Variants in RBPJ observed in about 807,000 individuals in gnomAD.
RBPJ encodes the protein recombining binding protein suppressor of hairless.
Under a neutral mutation model 67.8 loss-of-function variants are expected in RBPJ, and 9 were observed. The observed-to-expected ratio is 0.13, with a 90% CI of 0.08 to 0.23. The LOEUF is 0.23. Ranked by LOEUF, RBPJ falls within the 10% of genes least tolerant of loss-of-function variation. The probability of loss-of-function intolerance (pLI) is 1.00; values close to 1 mark genes in which losing one functional copy is unlikely to be tolerated. For missense variants in RBPJ, 305 were observed against 595.6 expected (o/e 0.51, Z 5.08); for synonymous variants, 198 against 203.3 (o/e 0.97, Z 0.22).
intron 1 of RBPJ, among the ~76,000 whole-genome samples, chr4:26,184,977 A>G (rs774894299): frequency 2.0e-5 from 3 of 152,080 alleles, no homozygotes; most frequent in Non-Finnish European, 4.4e-5. Flanking sequence ...CCCCGTCTCT[A>G]CTAAAAATAC....
At chr4:26,121,543 A>G in the RBPJ span, among the ~76,000 whole-genome samples, 2 of 152,024 alleles carry the variant, frequency 1.3e-5, no homozygotes, top group Non-Finnish European at 2.9e-5. Flanking sequence ...TCTAACTCCT[A>G]TTTCCACCCT....
At chr4:26,146,240 C>T in the RBPJ span, among the ~76,000 whole-genome samples, 3 of 152,186 alleles carry the variant, frequency 2.0e-5, no homozygotes, top group African/African-American at 7.2e-5. Flanking sequence ...AGCCAGTGCA[C>T]CCAGCCTTGG....
At chr4:26,285,883 T>C (rs1721447116) in intron 1 of RBPJ, among the ~76,000 whole-genome samples, 1 of 152,130 alleles carries the variant, frequency 6.6e-6, no homozygotes, top group Non-Finnish European at 1.5e-5. Flanking sequence ...AATTACCCAC[T>C]GAGAGAGTAT....
At chr4:26,139,321 C>T in the RBPJ span, among the ~76,000 whole-genome samples, 1 of 152,182 alleles carries the variant, frequency 6.6e-6, no homozygotes, top group African/African-American at 2.4e-5. Flanking sequence ...TGAGCTCCTT[C>T]GTTATTTATT....
chr4:26,419,220 C>T (rs1050073977), intron 4 of RBPJ, among the ~76,000 whole-genome samples: 1 of 152,142 alleles, frequency 6.6e-6, no homozygotes, highest in Non-Finnish European at 1.5e-5. Flanking sequence ...CTTAAGCAGT[C>T]TGTCCACCTT....
intron 1 of RBPJ, among the ~76,000 whole-genome samples, chr4:26,254,747 G>A (rs1376606811): frequency 1.4e-5 from 2 of 144,612 alleles, no homozygotes; most frequent in South Asian, 2.1e-4. Context: ...GTGCAATCTC[G>A]GCTCACTGCA....
intron 1 of RBPJ, among the ~76,000 whole-genome samples, chr4:26,350,514 T>C (rs893039847): frequency 6.6e-6 from 1 of 152,208 alleles, no homozygotes; most frequent in African/African-American, 2.4e-5. Flanking sequence ...TAGTTAAATT[T>C]AGTGAAGTTT....
intron 1 of RBPJ, among the ~76,000 whole-genome samples, chr4:26,376,186 T>A (rs1577557647): frequency 1.3e-5 from 2 of 152,310 alleles, no homozygotes; most frequent in East Asian, 3.9e-4. Context: ...ATTAAGTACA[T>A]TGATGTTGTG....
intron 1 of RBPJ, among the ~76,000 whole-genome samples, chr4:26,385,026 G>A (rs978279977): frequency 5.0e-5 from 6 of 120,700 alleles, no homozygotes; most frequent in South Asian, 6.1e-4. Flanking sequence ...CTTTCCTCTC[G>A]TCTTTCCTCT....
At chr4:26,174,737 T>G (rs776149684) in intron 1 of RBPJ, among the ~76,000 whole-genome samples, 1 of 152,164 alleles carries the variant, frequency 6.6e-6, no homozygotes, top group African/African-American at 2.4e-5. Flanking sequence ...CCCAAAGTGC[T>G]AGGATTACAG....
chr4:26,311,393 G>A (rs1009865665), intron 1 of RBPJ, among the ~76,000 whole-genome samples: 1 of 152,058 alleles, frequency 6.6e-6, no homozygotes, highest in Non-Finnish European at 1.5e-5. Flanking sequence ...AAAAAAATTA[G>A]CCAGGCATGG....
the RBPJ span, among the ~76,000 whole-genome samples, chr4:26,134,234 A>G: frequency 6.6e-6 from 1 of 152,214 alleles, no homozygotes; most frequent in African/African-American, 2.4e-5. Context: ...CAAACACAGC[A>G]GGATACCAAA....
intron 1 of RBPJ, among the ~76,000 whole-genome samples, chr4:26,253,161 G>A (rs1720168563): frequency 1.3e-5 from 2 of 152,152 alleles, no homozygotes; most frequent in Admixed American, 6.5e-5. Context: ...ATCCTAAACC[G>A]GGTAACCCGG....
intron 1 of RBPJ, among the ~76,000 whole-genome samples, chr4:26,232,645 T>TAAC (rs746398501): frequency 5.3e-5 from 8 of 152,230 alleles, no homozygotes; most frequent in Admixed American, 5.2e-4. Flanking sequence ...CTCTTCTCTA[T>TAAC]AACAACAACA....
At chr4:26,415,406 A>G in intron 3 of RBPJ, 69 bp from the exon 4 acceptor site, 1 of 1,276,708 alleles carries the variant, frequency 7.8e-7, no homozygotes, top group Non-Finnish European at 1.1e-6. Context: ...TGTTCAAGGA[A>G]AGGAAATGCT....
intron 1 of RBPJ, among the ~76,000 whole-genome samples, chr4:26,341,772 C>T (rs151019690): frequency 6.6e-6 from 1 of 152,088 alleles, no homozygotes; most frequent in African/African-American, 2.4e-5. Flanking sequence ...ACAGAAAGAA[C>T]CCTTCAGAGG....
At chr4:26,376,406 C>T (rs772243480) in intron 1 of RBPJ, among the ~76,000 whole-genome samples, 1 of 152,184 alleles carries the variant, frequency 6.6e-6, no homozygotes, top group Non-Finnish European at 1.5e-5. Flanking sequence ...TGGCTTATTT[C>T]GCTTAGCATG....
At chr4:26,201,730 C>T (rs189848409) in intron 1 of RBPJ, among the ~76,000 whole-genome samples, 61 of 152,316 alleles carry the variant, frequency 4.0e-4, no homozygotes, top group Admixed American at 1.4e-3. Flanking sequence ...ATTTTTCTAA[C>T]GTTCTAAACC....
chr4:26,324,496 T>G (rs1723418881), intron 1 of RBPJ, among the ~76,000 whole-genome samples: 1 of 152,080 alleles, frequency 6.6e-6, no homozygotes, highest in African/African-American at 2.4e-5. Context: ...GCCTTTCCTC[T>G]TTTGTTTTCT....
Sources: gnomAD v4.1 joint callset for allele counts (sites outside exome capture counted in the v4.1 genomes callset) on GRCh38, gnomAD v4.1.1 for gene constraint, MANE v1.5 for transcripts, NCBI Gene and HGNC (gene_info 2026-07-23, HGNC 2026-07-21) for gene names.